Variants in ANAPC10 observed in about 807,000 individuals in gnomAD.
ANAPC10 encodes anaphase-promoting complex subunit 10.
Under a neutral mutation model 22.0 loss-of-function variants are expected in ANAPC10, and 12 were observed. The ratio of observed to expected loss-of-function variants is 0.55; its 90% confidence interval spans 0.35 to 0.88. ANAPC10 has a LOEUF of 0.88. Ranked by LOEUF, ANAPC10 falls within the 40% of genes least tolerant of loss-of-function variation. The pLI, the probability that ANAPC10 is intolerant of heterozygous loss-of-function variation, is 0.01. For synonymous variants in ANAPC10, 65 were observed against 69.5 expected, an observed-to-expected ratio of 0.94 and a Z score of 0.32; for missense variants, 188 against 220.9, an observed-to-expected ratio of 0.85 and a Z score of 0.94.
intron 4 of ANAPC10, among the ~76,000 whole-genome samples, chr4:145,047,040 T>A (rs1740415496): frequency 6.6e-6 from 1 of 152,138 alleles, no homozygotes. Context: ...TCATGGTAGA[T>A]GTTTTTACAC....
In ANAPC10 at chr4:145,026,696, A is replaced by G. The variant is rs1363694426; in HGVS notation, c.328-31093T>C. Among the ~76,000 whole-genome samples, 4 of 151,334 alleles carry G rather than the reference A, an allele frequency of 2.6e-5. No homozygotes were observed. The East Asian group carries it at 7.8e-4, about 30-fold the overall frequency. On this transcript the variant is annotated intron_variant, in intron 4 of 4. Coordinates refer to ENST00000507656, the MANE Select transcript of ANAPC10 (RefSeq NM_001256706.2). ...AGAAACAAGACAAAATAAGACAGAAATTGAAAGCAGCAAGCAAACAAAGAC... is the reference window on the plus strand; with the variant it reads ...AGAAACAAGACAAAATAAGACAGAAGTTGAAAGCAGCAAGCAAACAAAGAC...
At chr4:145,038,277 C>T (rs935321304) in intron 4 of ANAPC10, among the ~76,000 whole-genome samples, 2 of 152,166 alleles carry the variant, frequency 1.3e-5, no homozygotes, top group African/African-American at 4.8e-5. Context: ...CTTTGGGAGG[C>T]CAAGGTAGGT....
At chr4:145,056,347 T>C (rs941873913) in intron 4 of ANAPC10, among the ~76,000 whole-genome samples, 1 of 152,172 alleles carries the variant, frequency 6.6e-6, no homozygotes, top group Non-Finnish European at 1.5e-5. Flanking sequence ...AGTTACCCTA[T>C]ATGGTCTAAA....
At chr4:145,032,780 G>A (rs183456416) in intron 4 of ANAPC10, among the ~76,000 whole-genome samples, 146 of 152,316 alleles carry the variant, frequency 9.6e-4, no homozygotes, top group African/African-American at 3.2e-3. Flanking sequence ...TCCTCAGAGT[G>A]ATCAGCCAGC....
chr4:145,064,651 T>TA lies in ANAPC10; in HGVS notation c.247dup (p.Tyr83LeufsTer4). Reference sequence around the variant, plus strand: ...TGGAGTATAGCTTTCATCAGATTTGTAGTCTGCATAAATACATAATGTCTT... The same window carrying TA: ...TGGAGTATAGCTTTCATCAGATTTGTAAGTCTGCATAAATACATAATGTCTT... On this transcript the variant is annotated frameshift_variant, in exon 4 of 5. Transcript: ENST00000507656. LOFTEE classifies it high-confidence loss of function. 1 of 1,598,838 alleles carries TA rather than the reference T, an allele frequency of 6.3e-7. No homozygotes were observed. The highest frequency in any genetic ancestry group is 8.5e-7 in the Non-Finnish European group (1 of 1,170,560).
At chr4:145,065,853 C>T (rs1340766626) in intron 3 of ANAPC10, among the ~76,000 whole-genome samples, 1 of 151,782 alleles carries the variant, frequency 6.6e-6, no homozygotes, top group African/African-American at 2.4e-5. Flanking sequence ...GGTGGAATTA[C>T]CCAAAAATAG....
rs1251043600 is a variant in ANAPC10 at position 145,051,536 on chromosome 4, C to T, written c.327+13036G>A. Among the ~76,000 whole-genome samples, 3 of 152,050 alleles carry T rather than the reference C, an allele frequency of 2.0e-5. No homozygotes were observed. In the East Asian group the frequency reaches 5.8e-4, roughly 29 times the overall value. On this transcript the variant is annotated intron_variant, in intron 4 of 4. Coordinates refer to ENST00000507656, the MANE Select transcript of ANAPC10 (RefSeq NM_001256706.2). ...CAAAGCTTCAATTTGTAATAAAATG[C>T]AGTTATCTATAAAGTGCAATAAGGT...
chr4:145,084,662 A>G (rs1746598699), intron 2 of ANAPC10, among the ~76,000 whole-genome samples: 1 of 152,200 alleles, frequency 6.6e-6, no homozygotes, highest in Admixed American at 6.5e-5. Context: ...ATATATGTCG[A>G]TAAAATGTAA....
At chr4:145,015,838 G>T (rs1213364672) in intron 4 of ANAPC10, among the ~76,000 whole-genome samples, 1 of 152,102 alleles carries the variant, frequency 6.6e-6, no homozygotes, top group East Asian at 1.9e-4. Flanking sequence ...GTGAAACTAA[G>T]CATCAAATAT....
At chr4:145,001,756 T>G (rs1373547198) in intron 4 of ANAPC10, among the ~76,000 whole-genome samples, 1 of 152,166 alleles carries the variant, frequency 6.6e-6, no homozygotes, top group Non-Finnish European at 1.5e-5. Context: ...AGTTTCTCTA[T>G]GAAGACATCG....
chr4:145,072,205 G>C (rs574808366), intron 3 of ANAPC10, among the ~76,000 whole-genome samples: 1 of 152,230 alleles, frequency 6.6e-6, no homozygotes, highest in Admixed American at 6.5e-5. Flanking sequence ...AAACTGGGTA[G>C]GTTACCAAAA....
At chr4:145,096,732 T>TA (rs1748587802) in intron 1 of ANAPC10, among the ~76,000 whole-genome samples, 2 of 152,076 alleles carry the variant, frequency 1.3e-5, no homozygotes, top group African/African-American at 4.8e-5. Context: ...CCTTTTTTTT[T>TA]AGAGACAGGA....
intron 4 of ANAPC10, among the ~76,000 whole-genome samples, chr4:145,040,739 T>C (rs907771172): frequency 6.6e-6 from 1 of 152,160 alleles, no homozygotes; most frequent in Non-Finnish European, 1.5e-5. Context: ...AAAGTATGTA[T>C]GTATGCCTAG....
intron 2 of ANAPC10, among the ~76,000 whole-genome samples, chr4:145,087,046 A>T (rs1235532500): frequency 6.6e-6 from 1 of 151,890 alleles, no homozygotes; most frequent in African/African-American, 2.4e-5. Context: ...ATGTGCTTGC[A>T]AAGTCTGGCT....
chr4:145,067,003 C>T (rs560774154), intron 3 of ANAPC10, among the ~76,000 whole-genome samples: 4 of 151,952 alleles, frequency 2.6e-5, no homozygotes, highest in Non-Finnish European at 5.9e-5. Context: ...GAGTTATTAT[C>T]GTAAGGTTCA....
intron 2 of ANAPC10, among the ~76,000 whole-genome samples, chr4:145,085,137 C>T (rs1057229671): frequency 1.3e-5 from 2 of 152,036 alleles, no homozygotes; most frequent in African/African-American, 4.8e-5. Context: ...CTTAGCCAGG[C>T]GTGATGGCAC....
chr4:145,047,985 T>C (rs77439477), intron 4 of ANAPC10, among the ~76,000 whole-genome samples: 3,037 of 152,206 alleles, frequency 0.02, 98 homozygotes, highest in African/African-American at 0.068. Context: ...AGAGGCAAAT[T>C]AGGATTGCCC....
At chr4:145,090,239 T>C (rs559428979) in intron 2 of ANAPC10, among the ~76,000 whole-genome samples, 1 of 152,338 alleles carries the variant, frequency 6.6e-6, no homozygotes, top group East Asian at 1.9e-4. Flanking sequence ...TTATAATACC[T>C]AATATAATGT....
intron 4 of ANAPC10, among the ~76,000 whole-genome samples, chr4:145,027,353 C>T (rs1458215841): frequency 1.3e-5 from 2 of 151,620 alleles, no homozygotes; most frequent in Non-Finnish European, 2.9e-5. Context: ...GACAGGAAAA[C>T]AAAAGAAGTA....
Sources: allele counts gnomAD v4.1 joint callset (sites outside exome capture counted in the v4.1 genomes callset), GRCh38; gene constraint gnomAD v4.1.1; transcripts MANE v1.5; gene names NCBI Gene and HGNC (gene_info 2026-07-23, HGNC 2026-07-21).